CPLX1: variants seen among roughly 807,000 people sequenced by gnomAD.
CPLX1 encodes complexin-1.
CPLX1 carries 6 observed loss-of-function variants against 15.6 expected under a neutral mutation model. The ratio of observed to expected loss-of-function variants is 0.39; its 90% CI spans 0.21 to 0.76. CPLX1 has a LOEUF of 0.76. Among genes scored for constraint, CPLX1 ranks in the 30% least tolerant of loss-of-function variants. CPLX1 has a pLI of 0.43. For missense variants in CPLX1, 242 were observed against 188.6 expected (o/e 1.28, Z -1.66); for synonymous variants, 91 against 75.2 (o/e 1.21, Z -1.08).
chr4:818,591 A>G (rs1381791124), intron 2 of CPLX1, among the ~76,000 whole-genome samples: 3 of 152,258 alleles, frequency 2.0e-5, no homozygotes, highest in African/African-American at 7.2e-5. Flanking sequence ...ACCATGGCCA[A>G]GGCCCCCCGT....
rs76252052 is a variant in CPLX1, at chr4:804,576, T to A, written c.32-11968A>T. On this transcript the variant is annotated intron_variant, in intron 2 of 3. Coordinates refer to ENST00000304062, the MANE Select transcript of CPLX1 (RefSeq NM_006651.4). ...AGATTCTTGGTGGGCAGGCTTAATA[T>A]CATAATGACGTCAGCCGCATCAACA... is the stretch of plus-strand genomic sequence containing the variant. Among the ~76,000 whole-genome samples, 9 of 152,294 alleles carry A rather than the reference T, an allele frequency of 5.9e-5. No homozygotes were observed. In the East Asian group the frequency reaches 1.7e-3, roughly 29 times the overall value.
At chr4:795,980 C>T (rs1461735955) in intron 2 of CPLX1, among the ~76,000 whole-genome samples, 1 of 152,164 alleles carries the variant, frequency 6.6e-6, no homozygotes, top group African/African-American at 2.4e-5. Context: ...TCCCGGGAAC[C>T]CACCTCCCAG....
rs1218873462 is a variant in CPLX1, at chr4:787,786, T to TC, written c.208-1089dup. On this transcript the variant is annotated intron_variant, in intron 3 of 3. Coordinates refer to ENST00000304062, the MANE Select transcript of CPLX1 (RefSeq NM_006651.4). ...TCCCCACGCCACACTCCTCCAGCCC[T>TC]CCCGTGAGCCACCAGCCCAGGAAGC... is the stretch of plus-strand genomic sequence containing the variant. 3.0e-6 allele frequency: 3 copies of TC among 985,056 alleles called. No individual in the cohort carries two copies. In the East Asian group the frequency reaches 3.4e-4, roughly 112 times the overall value. 61.0% of individuals were successfully genotyped at this position (985,056 alleles called of 1,614,324 possible). A position where few individuals can be genotyped will look rare whatever the true frequency, so the allele number is the denominator to read the frequency against.
intron 2 of CPLX1, among the ~76,000 whole-genome samples, chr4:802,125 TG>T (rs577016606): frequency 9.7e-4 from 148 of 152,324 alleles, no homozygotes; most frequent in African/African-American, 3.6e-3. Context: ...TAGTTTCATT[TG>T]TAACAGCCAA....
intron 2 of CPLX1, 134 bp downstream of exon 2, chr4:824,358 G>A (rs948941528): frequency 2.6e-5 from 21 of 801,686 alleles, no homozygotes; most frequent in Non-Finnish European, 1.5e-5. Context: ...TCTGCCCCAG[G>A]CTCCTGTGCA....
At chr4:815,671 G>C (rs1304001435) in intron 2 of CPLX1, among the ~76,000 whole-genome samples, 1 of 152,184 alleles carries the variant, frequency 6.6e-6, no homozygotes, top group Non-Finnish European at 1.5e-5. Flanking sequence ...GTCCGTTATT[G>C]TAAGTTCCAC....
intron 2 of CPLX1, chr4:804,842 C>G: frequency 1.0e-6 from 1 of 982,634 alleles, no homozygotes; most frequent in Non-Finnish European, 1.2e-6. Context: ...TGGGGAGCGA[C>G]GTGCTCAGCC....
intron 2 of CPLX1, among the ~76,000 whole-genome samples, chr4:792,869 G>C (rs1014534332): frequency 1.3e-5 from 2 of 152,202 alleles, no homozygotes; most frequent in Non-Finnish European, 2.9e-5. Flanking sequence ...TCCGTGGGGG[G>C]AGGGAGAGTG....
chr4:788,862 A>G (rs1030673985), intron 3 of CPLX1, among the ~76,000 whole-genome samples: 2 of 152,148 alleles, frequency 1.3e-5, no homozygotes, highest in African/African-American at 4.8e-5. Context: ...ACTCAGGAAC[A>G]TGTGTGTGCT....
chr4:825,085 G>A (rs1323049491), intron 1 of CPLX1, among the ~76,000 whole-genome samples: 2 of 152,168 alleles, frequency 1.3e-5, no homozygotes, highest in Non-Finnish European at 2.9e-5. Context: ...TATCCCTGAC[G>A]GCACTGCAGT....
intron 2 of CPLX1, among the ~76,000 whole-genome samples, chr4:822,134 CACT>C (rs1331578282): frequency 1.4e-5 from 2 of 141,378 alleles, no homozygotes; most frequent in Admixed American, 1.4e-4. Context: ...TCCCTCTCAC[CACT>C]GTCTCTCCCT....
At chr4:816,610 A>T (rs1746760748) in intron 2 of CPLX1, among the ~76,000 whole-genome samples, 1 of 151,984 alleles carries the variant, frequency 6.6e-6, no homozygotes, top group African/African-American at 2.4e-5. Flanking sequence ...CTTTATACTT[A>T]TTATTTGAAT....
At chr4:815,523 G>T (rs942962837) in intron 2 of CPLX1, among the ~76,000 whole-genome samples, 1 of 152,178 alleles carries the variant, frequency 6.6e-6, no homozygotes, top group Non-Finnish European at 1.5e-5. Context: ...CAGCCACGGA[G>T]GGGCATGGGG....
chr4:808,695 G>T (rs564171159), intron 2 of CPLX1, among the ~76,000 whole-genome samples: 4 of 152,190 alleles, frequency 2.6e-5, no homozygotes, highest in Non-Finnish European at 4.4e-5. Context: ...GAGGGGAAAC[G>T]ATTGAGAACT....
chr4:810,707 T>C (rs868221543), intron 2 of CPLX1, among the ~76,000 whole-genome samples: 29 of 152,160 alleles, frequency 1.9e-4, no homozygotes, highest in African/African-American at 6.7e-4. Flanking sequence ...TTTCTTTTTT[T>C]TTTTTCGAGA....
At chr4:820,849 C>T (rs1746847819) in intron 2 of CPLX1, among the ~76,000 whole-genome samples, 1 of 152,108 alleles carries the variant, frequency 6.6e-6, no homozygotes, top group Non-Finnish European at 1.5e-5. Context: ...ACACCGGTGG[C>T]CCCCACAAGC....
chr4:809,848 A>T (rs1746629160), intron 2 of CPLX1, among the ~76,000 whole-genome samples: 1 of 151,966 alleles, frequency 6.6e-6, no homozygotes, highest in Admixed American at 6.6e-5. Flanking sequence ...CACACACAAT[A>T]CGTGGTATCT....
rs1349302312 is a variant in CPLX1 at position 785,556 on chromosome 4, T to C, written c.*945A>G. The C allele has an allele frequency of 6.6e-6, 1 of 152,166 alleles. No homozygotes were observed. The highest frequency in any genetic ancestry group is 1.9e-4 in the East Asian group (1 of 5,164). The allele number at this position is 152,166 out of a possible 1,614,324, so 9.4% of individuals were successfully genotyped here. ...ACATGAATGGAGGAGAAACAGGGGC[T>C]CGGATGCCGCCCCGCAGGGCCACCA... On this transcript the variant is annotated 3_prime_UTR_variant, in exon 4 of 4. Coordinates refer to ENST00000304062, the MANE Select transcript of CPLX1 (RefSeq NM_006651.4).
rs1043114909 is a variant in CPLX1, at chr4:785,922, A to C, written c.*579T>G. The C allele has an allele frequency of 6.6e-6, 1 of 152,242 alleles. No homozygotes were observed. The highest frequency in any genetic ancestry group is 1.5e-5 in the Non-Finnish European group (1 of 68,082). The allele number at this position is 152,242 out of a possible 1,614,324, so 9.4% of individuals were successfully genotyped here. A position where few individuals can be genotyped will look rare whatever the true frequency, so the allele number is the denominator to read the frequency against. On this transcript the variant is annotated 3_prime_UTR_variant, in exon 4 of 4. Coordinates refer to ENST00000304062, the MANE Select transcript of CPLX1 (RefSeq NM_006651.4). ...TGAACACGGCCGTGGCGTTCGTAAGAAGCAAAACCTTCCAGAGAGGAGAGG... is the reference window on the plus strand; with the variant it reads ...TGAACACGGCCGTGGCGTTCGTAAGCAGCAAAACCTTCCAGAGAGGAGAGG...
Sources: gnomAD v4.1 joint callset for allele counts (sites outside exome capture counted in the v4.1 genomes callset) on GRCh38, gnomAD v4.1.1 for gene constraint, MANE v1.5 for transcripts, NCBI Gene and HGNC (gene_info 2026-07-23, HGNC 2026-07-21) for gene names.